Variants in EFL1 observed in about 807,000 individuals in gnomAD.
EFL1 encodes elongation factor like GTPase 1.
In EFL1, 76 loss-of-function variants were observed where a neutral mutation model predicts 126.7. The observed-to-expected ratio is 0.60, with a 90% CI of 0.50 to 0.73. EFL1 has a LOEUF of 0.73. EFL1 is among the 30% of genes least tolerant of loss of function. The pLI is 0.00. For missense variants in EFL1, 1,128 were observed against 1,343.2 expected, an observed-to-expected ratio of 0.84 and a Z score of 2.50; for synonymous variants, 410 against 448.4, an observed-to-expected ratio of 0.91 and a Z score of 1.08.
chr15:82,168,846 G>A (rs1402804057), intron 15 of EFL1, among the ~76,000 whole-genome samples: 2 of 152,150 alleles, frequency 1.3e-5, no homozygotes, highest in Non-Finnish European at 2.9e-5. Flanking sequence ...CCTTTTCTCA[G>A]AAGAGAAACT....
intron 12 of EFL1, among the ~76,000 whole-genome samples, chr15:82,221,474 T>A (rs1412503536): frequency 6.6e-6 from 1 of 152,192 alleles, no homozygotes; most frequent in East Asian, 1.9e-4. Context: ...AATCATTGAC[T>A]GTCCACTGCT....
intron 15 of EFL1, among the ~76,000 whole-genome samples, chr15:82,213,578 T>A (rs1294577757): frequency 2.0e-5 from 3 of 152,214 alleles, no homozygotes; most frequent in African/African-American, 7.2e-5. Flanking sequence ...GAAGATCGTA[T>A]AAAAACCATT....
chr15:82,132,693 G>C (rs112995593), intron 19 of EFL1, among the ~76,000 whole-genome samples: 3 of 72,876 alleles, frequency 4.1e-5, no homozygotes, highest in Non-Finnish European at 5.6e-5. Flanking sequence ...GGGGGGGGGG[G>C]GGGTAGGCAG....
In EFL1 at chr15:82,143,625, GAC is replaced by G. The variant is rs775363711; in HGVS notation, c.2990-4785_2990-4784del. ...CAAATAGGAGATAAAGCATGCTGCA[GAC>G]ACAGTGGGGAACGTAGGCTGGTTGC... On this transcript the variant is annotated intron_variant, in intron 18 of 19. Transcript: ENST00000268206. 1.1e-3 allele frequency among the ~76,000 whole-genome samples: 173 copies of G among 152,306 alleles called. 1 individual carries two copies. Among genetic ancestry groups the G allele is most frequent in the Middle Eastern group, 3.4e-3 (1 of 294 alleles).
At chr15:82,143,112 C>A (rs1387690597) in intron 18 of EFL1, among the ~76,000 whole-genome samples, 2 of 152,056 alleles carry the variant, frequency 1.3e-5, no homozygotes, top group Admixed American at 1.3e-4. Flanking sequence ...GAATAGTTGT[C>A]CACAGCAATG....
At chr15:82,154,398 T>C (rs2073945119) in intron 17 of EFL1, among the ~76,000 whole-genome samples, 7 of 152,206 alleles carry the variant, frequency 4.6e-5, no homozygotes, top group Admixed American at 4.6e-4. Context: ...TTCCTGAAGA[T>C]GTGTGTAGAA....
rs1391101043 is a variant in EFL1 at position 82,163,290 on chromosome 15, C to T, written c.1882+563G>A. The stretch of plus-strand genomic sequence containing the variant: ...GGCACTTTAGTTCACGCCTGTAATC[C>T]TAGCAGTTTGGGAGCCCGAGGCAGG... On this transcript the variant is annotated intron_variant, in intron 16 of 19. Transcript: ENST00000268206. Among the ~76,000 whole-genome samples, 3 of 152,298 alleles carry T rather than the reference C, an allele frequency of 2.0e-5. No homozygotes were observed. The East Asian group carries it at 5.8e-4, about 29-fold the overall frequency.
At chr15:82,224,242 C>T (rs977437956) in intron 12 of EFL1, among the ~76,000 whole-genome samples, 1 of 152,158 alleles carries the variant, frequency 6.6e-6, no homozygotes, top group Non-Finnish European at 1.5e-5. Context: ...ATGATTTCTG[C>T]TATATCTGCA....
chr15:82,174,794 T>C (rs1003433990), intron 15 of EFL1, among the ~76,000 whole-genome samples: 1 of 152,236 alleles, frequency 6.6e-6, no homozygotes, highest in Admixed American at 6.5e-5. Flanking sequence ...TATGTGGGCC[T>C]GCATCACCCG....
At chr15:82,172,200 A>T (rs1188648746) in intron 15 of EFL1, among the ~76,000 whole-genome samples, 3 of 152,258 alleles carry the variant, frequency 2.0e-5, no homozygotes, top group African/African-American at 7.2e-5. Flanking sequence ...TTATGTGCAG[A>T]AAAAGTAGGT....
chr15:82,252,638 A>T, intron 4 of EFL1, 53 bp downstream of exon 4: 1 of 1,352,488 alleles, frequency 7.4e-7, no homozygotes, highest in Non-Finnish European at 1.1e-6. Context: ...GAAAGACAGA[A>T]GAGGACATGA....
At chr15:82,247,927 A>G (rs1169418969) in intron 4 of EFL1, among the ~76,000 whole-genome samples, 1 of 152,088 alleles carries the variant, frequency 6.6e-6, no homozygotes, top group Non-Finnish European at 1.5e-5. Context: ...AGTGGAAAGG[A>G]GATAACTCAA....
intron 11 of EFL1, among the ~76,000 whole-genome samples, chr15:82,226,620 C>A (rs2074766818): frequency 6.6e-6 from 1 of 152,162 alleles, no homozygotes; most frequent in Non-Finnish European, 1.5e-5. Flanking sequence ...TGAGATGCTT[C>A]TTAGACAACA....
chr15:82,221,611 C>G (rs1399843364), intron 12 of EFL1, among the ~76,000 whole-genome samples: 6 of 152,122 alleles, frequency 3.9e-5, no homozygotes, highest in Non-Finnish European at 8.8e-5. Context: ...AGAGTAGGCC[C>G]TTCCACTCAC....
intron 4 of EFL1, among the ~76,000 whole-genome samples, chr15:82,245,809 C>T (rs529961649): frequency 7.9e-5 from 12 of 151,940 alleles, no homozygotes; most frequent in African/African-American, 2.7e-4. Context: ...GTGGCACATG[C>T]CTGCAGTATT....
Position 82,225,230 on chromosome 15 carries a change from T to C in EFL1, c.1227A>G (p.Pro409=). 6.2e-6 allele frequency: 10 copies of C among 1,612,232 alleles called. No individual in the cohort carries two copies. The highest frequency in any genetic ancestry group is 8.5e-6 in the Non-Finnish European group (10 of 1,179,500). ...FMKCGSEDTA[P]VIIFVSKMFA... ...ACATTTTGGAAACAAATATAATAACTGGAGCAGTGTCCTCACTTCCACATT... is the reference window on the plus strand; with the variant it reads ...ACATTTTGGAAACAAATATAATAACCGGAGCAGTGTCCTCACTTCCACATT... Residue 409 remains proline (P), a synonymous_variant, in exon 12 of 20, where the codon CCA becomes CCG. Coordinates refer to ENST00000268206, the MANE Select transcript of EFL1 (RefSeq NM_024580.6).
At chr15:82,140,396 A>C (rs1041720551) in intron 18 of EFL1, among the ~76,000 whole-genome samples, 1 of 151,534 alleles carries the variant, frequency 6.6e-6, no homozygotes, top group African/African-American at 2.4e-5. Flanking sequence ...ATTAATGTCT[A>C]CTCTGCCTAC....
At chr15:82,175,260 T>C (rs1229475291) in intron 15 of EFL1, among the ~76,000 whole-genome samples, 2 of 152,204 alleles carry the variant, frequency 1.3e-5, no homozygotes, top group Non-Finnish European at 2.9e-5. Flanking sequence ...ACTATGACAC[T>C]GATACAGCTT....
intron 15 of EFL1, among the ~76,000 whole-genome samples, chr15:82,207,811 C>A (rs2074541972): frequency 6.6e-6 from 1 of 151,252 alleles, no homozygotes; most frequent in Non-Finnish European, 1.5e-5. Flanking sequence ...ACCTCTGCCT[C>A]CCCCGGGTTC....
Sources: gnomAD v4.1 joint callset for allele counts (sites outside exome capture counted in the v4.1 genomes callset) on GRCh38, gnomAD v4.1.1 for gene constraint, MANE v1.5 for transcripts, NCBI Gene and HGNC (gene_info 2026-07-23, HGNC 2026-07-21) for gene names.